The following ERBB4 variants were observed in gnomAD, a reference collection of about 807,000 sequenced individuals.
ERBB4 encodes the protein erb-b2 receptor tyrosine kinase 4, also known as receptor tyrosine-protein kinase erbB-4.
Under a neutral mutation model 158.0 loss-of-function variants are expected in ERBB4, and 42 were observed. The observed-to-expected ratio is 0.27, with a 90% confidence interval of 0.21 to 0.34. ERBB4 has a LOEUF of 0.34. ERBB4 is among the 10% of genes least tolerant of loss of function. The pLI is 1.00. For missense variants in ERBB4, 1,333 were observed against 1,624.1 expected (o/e 0.82, Z 3.08); for synonymous variants, 583 against 558.7 (o/e 1.04, Z -0.61).
At chr2:211,541,186 A>G (rs1232537975) in intron 20 of ERBB4, among the ~76,000 whole-genome samples, 2 of 151,958 alleles carry the variant, frequency 1.3e-5, no homozygotes, top group African/African-American at 4.8e-5. Context: ...CTTGGCGCTC[A>G]AGGGATTTAT....
intron 1 of ERBB4, among the ~76,000 whole-genome samples, chr2:212,227,747 A>G (rs1047748804): frequency 1.3e-5 from 2 of 152,152 alleles, no homozygotes; most frequent in African/African-American, 4.8e-5. Flanking sequence ...GTTTTTATCA[A>G]TATAGACTTT....
At chr2:212,417,961 A>T (rs2091696515) in intron 1 of ERBB4, among the ~76,000 whole-genome samples, 1 of 152,008 alleles carries the variant, frequency 6.6e-6, no homozygotes. Flanking sequence ...AGCTCTCATG[A>T]TGAAATTAAT....
chr2:211,573,795 G>A (rs1337686175), intron 19 of ERBB4, among the ~76,000 whole-genome samples: 2 of 152,184 alleles, frequency 1.3e-5, no homozygotes, highest in African/African-American at 2.4e-5. Flanking sequence ...ATAACACTCA[G>A]TGCTAGAGAC....
intron 1 of ERBB4, among the ~76,000 whole-genome samples, chr2:212,225,149 A>G (rs1158354689): frequency 6.6e-6 from 1 of 152,014 alleles, no homozygotes; most frequent in Non-Finnish European, 1.5e-5. Flanking sequence ...ACTTTACTAT[A>G]TTAAAACTTT....
At chr2:212,171,648 G>C in intron 1 of ERBB4, among the ~76,000 whole-genome samples, 1 of 152,032 alleles carries the variant, frequency 6.6e-6, no homozygotes, top group Non-Finnish European at 1.5e-5. Flanking sequence ...TTATAATAGT[G>C]AGCTAGTTCT....
intron 1 of ERBB4, among the ~76,000 whole-genome samples, chr2:212,319,736 C>A (rs1003377860): frequency 6.7e-6 from 1 of 150,332 alleles, no homozygotes; most frequent in Non-Finnish European, 1.5e-5. Context: ...CATATGCCTC[C>A]TGTTTTCTTC....
chr2:212,265,904 C>A (rs2085117203), intron 1 of ERBB4, among the ~76,000 whole-genome samples: 1 of 151,928 alleles, frequency 6.6e-6, no homozygotes, highest in Admixed American at 6.6e-5. Flanking sequence ...TCTCCATGTC[C>A]TATGTGTTAC....
intron 3 of ERBB4, among the ~76,000 whole-genome samples, chr2:211,930,436 T>A (rs2125097612): frequency 6.6e-6 from 1 of 152,290 alleles, no homozygotes; most frequent in African/African-American, 2.4e-5. Context: ...CTAAGATACC[T>A]TTCTTAAATT....
chr2:211,657,231 G>A (rs546479440), intron 16 of ERBB4, among the ~76,000 whole-genome samples: 3 of 152,076 alleles, frequency 2.0e-5, no homozygotes, highest in East Asian at 1.9e-4. Flanking sequence ...AATCGAGGCC[G>A]GGCACAGTGG....
At chr2:212,294,710 T>A (rs1212003021) in intron 1 of ERBB4, among the ~76,000 whole-genome samples, 2 of 152,056 alleles carry the variant, frequency 1.3e-5, no homozygotes, top group African/African-American at 4.8e-5. Flanking sequence ...ATTTTAAAAT[T>A]GTCTTAAAGT....
intron 3 of ERBB4, among the ~76,000 whole-genome samples, chr2:211,871,081 T>A: frequency 6.6e-6 from 1 of 152,184 alleles, no homozygotes; most frequent in Admixed American, 6.5e-5. Context: ...TTTAGTATCA[T>A]CAGGCAAGAA....
chr2:211,795,005 C>CT (rs570100303), intron 3 of ERBB4, among the ~76,000 whole-genome samples: 53 of 151,948 alleles, frequency 3.5e-4, no homozygotes, highest in African/African-American at 1.3e-3. Context: ...CATAGTGTCT[C>CT]TTTTTATATC....
At chr2:211,508,950 C>CAAAAAAAAA (rs1043037025) in intron 20 of ERBB4, among the ~76,000 whole-genome samples, 1 of 151,114 alleles carries the variant, frequency 6.6e-6, no homozygotes, top group African/African-American at 2.4e-5. Flanking sequence ...AACAAAAAAA[C>CAAAAAAAAA]AAAACAAAAA....
intron 2 of ERBB4, among the ~76,000 whole-genome samples, chr2:212,025,643 T>G (rs1559342242): frequency 6.6e-6 from 1 of 151,766 alleles, no homozygotes; most frequent in African/African-American, 2.4e-5. Flanking sequence ...ATCATAAGAC[T>G]TAATATATTA....
rs779468846 is a variant in ERBB4, at chr2:211,386,849, A to G, written c.3481+4T>C. The G allele has an allele frequency of 1.9e-6, 3 of 1,613,820 alleles. No homozygotes were observed. Among genetic ancestry groups the G allele is most frequent in the Admixed American group, 1.7e-5 (1 of 59,986 alleles). On this transcript the variant is annotated splice_donor_region_variant and intron_variant, in intron 27 of 27. Coordinates refer to ENST00000342788, the MANE Select transcript of ERBB4 (RefSeq NM_005235.3). ...GCGATCGTTTCTGAATAATCAGTTC[A>G]TACCTTGTTTGGGTTTGTCTCGCAT...
chr2:212,068,414 C>T (rs2078006514), intron 2 of ERBB4, among the ~76,000 whole-genome samples: 1 of 152,036 alleles, frequency 6.6e-6, no homozygotes, highest in Non-Finnish European at 1.5e-5. Context: ...ATGGAGTCAT[C>T]CATGCTAAAG....
At position 212,198,162 on chromosome 2, in the gene ERBB4, T is replaced by G. The variant is rs7581281; in HGVS notation, c.83-73259A>C. On this transcript the variant is annotated intron_variant, in intron 1 of 27. Coordinates refer to ENST00000342788, the MANE Select transcript of ERBB4 (RefSeq NM_005235.3). The stretch of plus-strand genomic sequence containing the variant: ...TTATACTACTGAGATTGTCTGAAAG[T>G]TAACTTTTGAAAAATGTTTGATTTT... 6.0e-3 allele frequency among the ~76,000 whole-genome samples: 917 copies of G among 152,332 alleles called. 10 individuals are homozygous for G. The highest frequency in any genetic ancestry group is 0.021 in the African/African-American group (880 of 41,578).
chr2:211,683,265 C>T (rs774396799), intron 12 of ERBB4, among the ~76,000 whole-genome samples: 19 of 152,074 alleles, frequency 1.2e-4, no homozygotes, highest in Admixed American at 5.2e-4. Flanking sequence ...AGGCAAAATA[C>T]AGATTTCCTC....
chr2:211,527,074 T>C (rs1248124801), intron 20 of ERBB4, among the ~76,000 whole-genome samples: 2 of 151,940 alleles, frequency 1.3e-5, no homozygotes, highest in African/African-American at 2.4e-5. Flanking sequence ...GAGAAAAATA[T>C]CAATATCCAA....
Sources: gnomAD v4.1 joint callset for allele counts (sites outside exome capture counted in the v4.1 genomes callset) on GRCh38, gnomAD v4.1.1 for gene constraint, MANE v1.5 for transcripts, NCBI Gene and HGNC (gene_info 2026-07-23, HGNC 2026-07-21) for gene names.